HCN2: variants seen among roughly 807,000 people sequenced by gnomAD.
HCN2 encodes the protein potassium/sodium hyperpolarization-activated cyclic nucleotide-gated channel 2.
A neutral mutation model predicts 52.3 loss-of-function variants in HCN2; 20 were observed. The ratio of observed to expected loss-of-function variants is 0.38; its 90% CI spans 0.27 to 0.56. The LOEUF is 0.56. Ranked by LOEUF, HCN2 falls within the 20% of genes least tolerant of loss-of-function variation. The pLI is 0.71. For synonymous variants in HCN2, 694 were observed against 537.0 expected, an observed-to-expected ratio of 1.29 and a Z score of -4.04; for missense variants, 981 against 1,207.7, an observed-to-expected ratio of 0.81 and a Z score of 2.78.
At position 603,757 on chromosome 19, in the gene HCN2, C is replaced by T. The variant is rs1983298575; in HGVS notation, c.846C>T (p.Ile282=). Reference sequence around the variant, plus strand: ...AGATCATCCTGGACCCCGAGAAGATCAAGAAGAAGTATCTGCGCACGTGGT... The same window carrying T: ...AGATCATCCTGGACCCCGAGAAGATTAAGAAGAAGTATCTGCGCACGTGGT... ...NTEIILDPEK[I]KKKYLRTWFV... Residue 282 remains isoleucine (I), a synonymous_variant, in exon 2 of 8, where the codon ATC becomes ATT. Coordinates refer to ENST00000251287, the MANE Select transcript of HCN2 (RefSeq NM_001194.4). The T allele has an allele frequency of 6.2e-7, 1 of 1,612,834 alleles. No individual in the cohort carries two copies. The highest frequency in any genetic ancestry group is 8.5e-7 in the Non-Finnish European group (1 of 1,179,820).
intron 1 of HCN2, among the ~76,000 whole-genome samples, chr19:596,089 G>T (rs1414897163): frequency 6.6e-6 from 1 of 152,246 alleles, no homozygotes; most frequent in Non-Finnish European, 1.5e-5. Context: ...GTGGGGTTTG[G>T]GAGCCGGGTC....
In HCN2 at chr19:591,996, C is replaced by A. The variant is rs1484402557; in HGVS notation, c.632+1419C>A. ...GAGACAGGCCAGGGGTGGGAGGAGC[C>A]CCGAAATCCCCAGAGGGGCTGTGTC... On this transcript the variant is annotated intron_variant, in intron 1 of 7. Coordinates refer to ENST00000251287, the MANE Select transcript of HCN2 (RefSeq NM_001194.4). This position sits in a 1 kb window ranked among gnomAD's most constrained non-coding sequence, Gnocchi z 4.1. 6.6e-6 allele frequency among the ~76,000 whole-genome samples: 1 copy of A among 152,166 alleles called. No homozygotes were observed. The highest frequency in any genetic ancestry group is 1.9e-4 in the East Asian group (1 of 5,180).
intron 1 of HCN2, among the ~76,000 whole-genome samples, chr19:594,353 G>A (rs996821266): frequency 2.8e-4 from 42 of 152,048 alleles, no homozygotes; most frequent in African/African-American, 9.7e-4. Context: ...GACTGCCCTC[G>A]GTCCAGTTCC....
At chr19:606,823 C>T (rs1983442232) in intron 3 of HCN2, among the ~76,000 whole-genome samples, 1 of 150,100 alleles carries the variant, frequency 6.7e-6, no homozygotes, top group East Asian at 2.0e-4. Flanking sequence ...TGCACTCCAG[C>T]CTGGGCAACA....
At chr19:597,506 T>TC (rs571703663) in intron 1 of HCN2, among the ~76,000 whole-genome samples, 61 of 150,774 alleles carry the variant, frequency 4.0e-4, no homozygotes, top group African/African-American at 1.3e-3. Flanking sequence ...GGTTTCTAGG[T>TC]CCCCCTTGAC....
chr19:594,517 C>A (rs1040146607), intron 1 of HCN2, among the ~76,000 whole-genome samples: 1 of 152,170 alleles, frequency 6.6e-6, no homozygotes, highest in African/African-American at 2.4e-5. Flanking sequence ...CCCTGGGGTC[C>A]CCGAGAGGAC....
chr19:605,183 C>G lies in HCN2; in HGVS notation c.1179C>G (p.Asp393Glu), dbSNP rs1351941845. ...AGTTCCTGGTGCCTATGCTGCAGGA[C>G]TTCCCGCGCAACTGCTGGGTGTCCA... is the stretch of plus-strand genomic sequence containing the variant. ...CLQFLVPMLQ[D>E]FPRNCWVSIN... Residue 393 changes from aspartate to glutamate, a missense_variant, in exon 3 of 8, where the codon GAC becomes GAG. This residue lies in a region of HCN2 where 282 missense variants were observed against 553.8 expected (regional missense o/e 0.51). Transcript: ENST00000251287. The G allele has an allele frequency of 1.2e-6, 2 of 1,611,050 alleles. No individual in the cohort carries two copies. The highest frequency in any genetic ancestry group is 8.5e-7 in the Non-Finnish European group (1 of 1,179,576).
rs751153524 is a variant in HCN2 at position 605,188 on chromosome 19, C to T, written c.1184C>T (p.Pro395Leu). 6.2e-6 allele frequency: 10 copies of T among 1,610,820 alleles called. No homozygotes were observed. Among genetic ancestry groups the T allele is most frequent in the Non-Finnish European group, 8.5e-6 (10 of 1,179,544 alleles). The change falls in exon 3 of 8, where the codon CCG becomes CTG. Residue 395 changes from proline to leucine, a missense_variant. Pro to Leu is a moderately conservative substitution (Grantham distance 98). Coordinates refer to ENST00000251287, the MANE Select transcript of HCN2 (RefSeq NM_001194.4). ...QFLVPMLQDF[P>L]RNCWVSINGM... ...CTGGTGCCTATGCTGCAGGACTTCC[C>T]GCGCAACTGCTGGGTGTCCATCAAT...
chr19:598,420 C>T (rs1983102590), intron 1 of HCN2, among the ~76,000 whole-genome samples: 1 of 151,930 alleles, frequency 6.6e-6, no homozygotes, highest in South Asian at 2.1e-4. Context: ...AATCCTCCTA[C>T]CTCAGCCTCC....
At chr19:598,830 G>A (rs888556568) in intron 1 of HCN2, among the ~76,000 whole-genome samples, 4 of 152,160 alleles carry the variant, frequency 2.6e-5, no homozygotes, top group South Asian at 2.1e-4. Context: ...GGATGGTCTC[G>A]ATCTCTTGAC....
intron 1 of HCN2, among the ~76,000 whole-genome samples, chr19:594,809 G>T (rs375183762): frequency 6.6e-6 from 1 of 152,128 alleles, no homozygotes; most frequent in African/African-American, 2.4e-5. Context: ...CCCAGGTGGC[G>T]GTGGCCTGCC....
chr19:609,520 C>G (rs1206306240), intron 4 of HCN2, among the ~76,000 whole-genome samples: 1 of 152,240 alleles, frequency 6.6e-6, no homozygotes, highest in Non-Finnish European at 1.5e-5. Flanking sequence ...AATCCCGGCA[C>G]TCTGGGAGGC....
rs1385161628 is a variant in HCN2, at chr19:616,301, G to A, written c.2497G>A (p.Gly833Ser). 1.3e-5 allele frequency: 14 copies of A among 1,099,524 alleles called. No homozygotes were observed. The East Asian group carries it at 8.7e-4, about 69-fold the overall frequency. The allele number at this position is 1,099,524 out of a possible 1,614,324, so 68.1% of individuals were successfully genotyped here. ...SQPSLPHGAP[G>S]PAASTRPASS... is the part of the protein sequence containing the mutation. ...GCCCTCGCTGCCTCACGGCGCCCCCGGCCCCGCGGCCTCCACACGCCCGGC... is the reference window on the plus strand; with the variant it reads ...GCCCTCGCTGCCTCACGGCGCCCCCAGCCCCGCGGCCTCCACACGCCCGGC... The change falls in exon 8 of 8, where the codon GGC (glycine) becomes AGC (serine). Residue 833 changes from glycine to serine, a missense_variant. Around this residue, in one of 6 missense-constraint regions of HCN2, gnomAD observed 368 missense variants for 314.8 expected, o/e 1.17. Transcript: ENST00000251287.
chr19:605,862 C>T (rs978035798), intron 3 of HCN2, among the ~76,000 whole-genome samples: 1 of 152,096 alleles, frequency 6.6e-6, no homozygotes, highest in African/African-American at 2.4e-5. Context: ...GGACAAGACC[C>T]CCTTACACGG....
Position 616,186 on chromosome 19 carries a change from C to G in HCN2, c.2382C>G (p.Pro794=). The change falls in exon 8 of 8, where the codon CCC becomes CCG. Residue 794 remains proline (P), a synonymous_variant. Coordinates refer to ENST00000251287, the MANE Select transcript of HCN2 (RefSeq NM_001194.4). The part of the protein sequence containing the change: ...PASPRAPRTS[P]YGGLPAAPLA... ...GCCCCCGGGCACCGCGGACCTCGCC[C>G]TACGGCGGCCTGCCCGCCGCCCCCC... 6 of 981,478 alleles carry G rather than the reference C, an allele frequency of 6.1e-6. No individual in the cohort carries two copies. The highest frequency in any genetic ancestry group is 7.2e-6 in the Non-Finnish European group (6 of 827,676). 60.8% of individuals were successfully genotyped at this position (981,478 alleles called of 1,614,324 possible). A position where few individuals can be genotyped will look rare whatever the true frequency, so the allele number is the denominator to read the frequency against.
At position 590,187 on chromosome 19, in the gene HCN2, C is replaced by G. The variant is rs1187246548; in HGVS notation, c.242C>G (p.Ser81Trp). Residue 81 changes from serine to tryptophan, a missense_variant, in exon 1 of 8, where the codon TCG becomes TGG. Ser to Trp is a radical substitution (Grantham distance 177, BLOSUM62 -3). Around this residue, in one of 6 missense-constraint regions of HCN2, gnomAD observed 215 missense variants for 179.4 expected, o/e 1.20. Coordinates refer to ENST00000251287, the MANE Select transcript of HCN2 (RefSeq NM_001194.4). This position sits in a 1 kb window ranked among gnomAD's most constrained non-coding sequence, Gnocchi z 7.2. ...GGCCGGCTCCGCAGCCGCGACAGCT[C>G]GTGCGGCCGCCCCGGCACCCCGGGC... ...PRGRLRSRDSSCGRPGTPGAA... is the reference protein window; with the variant it reads ...PRGRLRSRDSWCGRPGTPGAA... 1.0e-6 allele frequency: 1 copy of G among 981,228 alleles called. No homozygotes were observed. Among genetic ancestry groups the G allele is most frequent in the African/African-American group, 1.8e-5 (1 of 55,978 alleles). The allele number at this position is 981,228 out of a possible 1,614,324, so 60.8% of individuals were successfully genotyped here. A position where few individuals can be genotyped will look rare whatever the true frequency, so the allele number is the denominator to read the frequency against.
intron 1 of HCN2, among the ~76,000 whole-genome samples, chr19:594,192 T>C (rs1309852234): frequency 7.2e-6 from 1 of 139,602 alleles, no homozygotes; most frequent in Non-Finnish European, 1.5e-5. Flanking sequence ...TCTCCGAAGC[T>C]TGCTGTCATC....
chr19:601,350 C>T (rs1055743345), intron 1 of HCN2, among the ~76,000 whole-genome samples: 5 of 152,154 alleles, frequency 3.3e-5, no homozygotes, highest in African/African-American at 9.7e-5. Flanking sequence ...CTGAACGTGA[C>T]GTCCTCAAGG....
At chr19:612,524 G>A (rs1012618348) in intron 5 of HCN2, among the ~76,000 whole-genome samples, 12 of 151,646 alleles carry the variant, frequency 7.9e-5, no homozygotes, top group Non-Finnish European at 1.5e-4. Context: ...CAAGAGACTC[G>A]TGCCTCAGCC....
Sources: gnomAD v4.1 joint callset for allele counts (sites outside exome capture counted in the v4.1 genomes callset) on GRCh38, gnomAD v4.1.1 for gene constraint, gnomAD v4.1.1 regional missense constraint, Gnocchi (gnomAD v3.1) non-coding constraint, MANE v1.5 for transcripts, NCBI Gene and HGNC (gene_info 2026-07-23, HGNC 2026-07-21) for gene names.